Variants in SLC25A46 observed in about 807,000 individuals in gnomAD.
SLC25A46 encodes the protein mitochondrial outer membrane protein SLC25A46.
Under a neutral mutation model 44.6 loss-of-function variants are expected in SLC25A46, and 39 were observed. The observed-to-expected ratio is 0.87, with a 90% CI of 0.68 to 1.14. SLC25A46 has a LOEUF of 1.14. Ranked by LOEUF, SLC25A46 falls within the 50% of genes most tolerant of loss-of-function variation. The pLI is 0.00. For missense variants in SLC25A46, 547 were observed against 522.7 expected (o/e 1.05, Z -0.45); for synonymous variants, 202 against 185.8 (o/e 1.09, Z -0.71).
intron 1 of SLC25A46, chr5:110,741,773 T>G (rs1799695714): frequency 3.5e-6 from 1 of 284,934 alleles, no homozygotes; most frequent in African/African-American, 2.2e-5. Flanking sequence ...TTCAAAACCC[T>G]GGGCCCACAC....
chr5:110,739,527 A>G, intron 1 of SLC25A46, 125 bp downstream of exon 1: 1 of 1,329,092 alleles, frequency 7.5e-7, no homozygotes, highest in Non-Finnish European at 1.0e-6. Context: ...CGCGCGCCAC[A>G]CCCTTTGCCC....
chr5:110,755,418 T>C lies in SLC25A46; in HGVS notation c.564-47T>C, dbSNP rs545790971. 1.1e-5 allele frequency: 14 copies of C among 1,273,418 alleles called. 1 individual carries two copies. The highest frequency in any genetic ancestry group is 3.8e-4 in the Middle Eastern group (2 of 5,302). 78.9% of individuals were successfully genotyped at this position (1,273,418 alleles called of 1,614,324 possible). On this transcript the variant is annotated intron_variant, in intron 5 of 7. Coordinates refer to ENST00000355943, the MANE Select transcript of SLC25A46 (RefSeq NM_138773.4). ...AAAATTGGGCTAATTCCAGATGTTT[T>C]AAATAACATGGCTTTTGTTTTATTT...
At chr5:110,758,177 A>G (rs10070983) in intron 7 of SLC25A46, among the ~76,000 whole-genome samples, 2,396 of 152,078 alleles carry the variant, frequency 0.016, 73 homozygotes, top group African/African-American at 0.056. Context: ...TCTTTTTTCA[A>G]TAATGCCTTT....
chr5:110,748,272 T>A lies in SLC25A46; in HGVS notation c.563+9T>A, dbSNP rs749986092. On this transcript the variant is annotated intron_variant, in intron 5 of 7. Transcript: ENST00000355943. ...TTTACACCTTTGCCAAGGTACCATT[T>A]TTAGCATTTCTTCAGTATTAGTTTC... is the stretch of plus-strand genomic sequence containing the variant. The A allele has an allele frequency of 4.4e-6, 7 of 1,608,952 alleles. No individual in the cohort carries two copies. The South Asian group carries it at 6.6e-5, about 15-fold the overall frequency.
In SLC25A46 at chr5:110,763,404, A is replaced by G. The variant is rs1284369114; in HGVS notation, c.*1622A>G. 6.6e-6 allele frequency: 1 copy of G among 151,842 alleles called. No homozygotes were observed. The highest frequency in any genetic ancestry group is 2.4e-5 in the African/African-American group (1 of 41,422). The allele number at this position is 151,842 out of a possible 1,614,324, so 9.4% of individuals were successfully genotyped here. ...CGTGTGTGTGTGTGTGTAGTTACTG[A>G]AACACCTACATTTTCCATTTTTAAA... is the stretch of plus-strand genomic sequence containing the variant. On this transcript the variant is annotated 3_prime_UTR_variant, in exon 8 of 8. Transcript: ENST00000355943.
chr5:110,740,925 C>A (rs904771747), intron 1 of SLC25A46, among the ~76,000 whole-genome samples: 2 of 152,170 alleles, frequency 1.3e-5, no homozygotes, highest in Non-Finnish European at 2.9e-5. Flanking sequence ...GCACTCCAGC[C>A]TGGGCGACAG....
rs1373018622 is a variant in SLC25A46 at position 110,751,884 on chromosome 5, G to GT, written c.564-3574dup. 3.3e-5 allele frequency among the ~76,000 whole-genome samples: 5 copies of GT among 152,196 alleles called. No homozygotes were observed. The East Asian group carries it at 5.8e-4, about 18-fold the overall frequency. ...GTGTAACTAGTTGTCAAATGAAGCT[G>GT]TTTTTTTGAAGTATAGTGTGAATAT... On this transcript the variant is annotated intron_variant, in intron 5 of 7. Transcript: ENST00000355943.
chr5:110,756,775 C>A lies in SLC25A46; in HGVS notation c.678+16C>A. On this transcript the variant is annotated intron_variant, in intron 7 of 7. Transcript: ENST00000355943. Reference sequence around the variant, plus strand: ...AACAGTGCAGGTGAGCTTTTTTTTACTGTCATTTTTTTTTTATTTAAGAAT... The same window carrying A: ...AACAGTGCAGGTGAGCTTTTTTTTAATGTCATTTTTTTTTTATTTAAGAAT... 6.7e-7 allele frequency: 1 copy of A among 1,496,188 alleles called. No individual in the cohort carries two copies. The highest frequency in any genetic ancestry group is 2.4e-5 in the East Asian group (1 of 41,412). The allele number at this position is 1,496,188 out of a possible 1,614,324, so 92.7% of individuals were successfully genotyped here. A position where few individuals can be genotyped will look rare whatever the true frequency, so the allele number is the denominator to read the frequency against.
chr5:110,764,332 A>G lies in SLC25A46; in HGVS notation c.*2550A>G, dbSNP rs1308104475. The G allele has an allele frequency of 2.0e-5, 3 of 151,958 alleles. No homozygotes were observed. Among genetic ancestry groups the G allele is most frequent in the South Asian group, 4.1e-4 (2 of 4,826 alleles). The allele number at this position is 151,958 out of a possible 1,614,324, so 9.4% of individuals were successfully genotyped here. On this transcript the variant is annotated 3_prime_UTR_variant, in exon 8 of 8. Transcript: ENST00000355943. ...AATACATATATGTAGACCTTCCCGAAATGCCATTCTCAATTTTATTTTATG... is the reference window on the plus strand; with the variant it reads ...AATACATATATGTAGACCTTCCCGAGATGCCATTCTCAATTTTATTTTATG...
chr5:110,746,362 G>T lies in SLC25A46; in HGVS notation c.462+16G>T. 6.5e-7 allele frequency: 1 copy of T among 1,537,164 alleles called. No individual in the cohort carries two copies. The highest frequency in any genetic ancestry group is 1.2e-5 in the South Asian group (1 of 83,920). ...CAAAACTCAGGTGAGAATTTTGTCT[G>T]GATTCTATTAAAGGTTTATATAAGT... On this transcript the variant is annotated intron_variant, in intron 4 of 7. Transcript: ENST00000355943.
upstream of SLC25A46, chr5:110,738,711 C>A: frequency 4.2e-6 from 1 of 240,556 alleles, no homozygotes. Context: ...TATTTCTGGC[C>A]GGGATCTCAC....
upstream of SLC25A46, chr5:110,738,168 C>A: frequency 8.1e-7 from 1 of 1,236,716 alleles, no homozygotes; most frequent in Non-Finnish European, 1.0e-6. Context: ...GTTGAAGGAA[C>A]ATAGGATGAA....
intron 2 of SLC25A46, among the ~76,000 whole-genome samples, chr5:110,743,369 C>T (rs1302955178): frequency 6.6e-6 from 1 of 151,992 alleles, no homozygotes; most frequent in Non-Finnish European, 1.5e-5. Context: ...AGGACATTTT[C>T]TGAAAGAAAT....
At chr5:110,753,893 G>T (rs1034958294) in intron 5 of SLC25A46, 1 of 152,142 alleles carries the variant, frequency 6.6e-6, no homozygotes, top group African/African-American at 2.4e-5. Context: ...GTGAGGCCAT[G>T]AGTATTAGCT....
At position 110,746,313 on chromosome 5, in the gene SLC25A46, C is replaced by T. The variant is rs35220834; in HGVS notation, c.429C>T (p.Val143=). The change falls in exon 4 of 8, where the codon GTC becomes GTT. Residue 143 remains valine, a synonymous_variant. Coordinates refer to ENST00000355943, the MANE Select transcript of SLC25A46 (RefSeq NM_138773.4). ...ATTACCATCTCACTCCATTTACAGT[C>T]ATCAATATTATGTACAGTTTCAACA... The part of the protein sequence containing the change: ...AQHYHLTPFT[V]INIMYSFNKT... The T allele has an allele frequency of 9.8e-3, 15,672 of 1,592,252 alleles. 402 individuals are homozygous for T. Among genetic ancestry groups the T allele is most frequent in the African/African-American group, 0.095 (6,871 of 72,498 alleles).
intron 5 of SLC25A46, among the ~76,000 whole-genome samples, chr5:110,750,089 A>G (rs1201960536): frequency 6.6e-6 from 1 of 152,088 alleles, no homozygotes; most frequent in African/African-American, 2.4e-5. Context: ...CCTTACAGGG[A>G]AGGAAATGAA....
Position 110,761,341 on chromosome 5 carries a change from A to T in SLC25A46, c.816A>T (p.Gly272=), listed in dbSNP as rs780651975. 8.1e-6 allele frequency: 13 copies of T among 1,613,784 alleles called. No homozygotes were observed. The Admixed American group carries it at 2.2e-4, about 27-fold the overall frequency. The change falls in exon 8 of 8, where the codon GGA becomes GGT. Residue 272 remains glycine (G), a synonymous_variant. Transcript: ENST00000355943. This position sits in a 1 kb window ranked among gnomAD's most constrained non-coding sequence, Gnocchi z 5.3. ...TGATCTTCCCTACGGTGCTTCATGG[A>T]GTTCTTCATTACATCATCAGCTCAG... is the stretch of plus-strand genomic sequence containing the variant. The part of the protein sequence containing the change: ...LSLIFPTVLH[G]VLHYIISSVI...
At position 110,764,541 on chromosome 5, in the gene SLC25A46, G is replaced by A. The variant is rs1212735382; in HGVS notation, c.*2759G>A. The A allele has an allele frequency of 1.3e-5, 2 of 151,872 alleles. No homozygotes were observed. Among genetic ancestry groups the A allele is most frequent in the Non-Finnish European group, 2.9e-5 (2 of 67,918 alleles). The allele number at this position is 151,872 out of a possible 1,614,324, so 9.4% of individuals were successfully genotyped here. On this transcript the variant is annotated 3_prime_UTR_variant, in exon 8 of 8. Transcript: ENST00000355943. ...AGGTAAGAACTTGCTTACTATTGCA[G>A]ATATACCTGACCACTCACAACTGTC... is the stretch of plus-strand genomic sequence containing the variant.
chr5:110,754,829 G>C (rs528633749), intron 5 of SLC25A46: 1 of 152,248 alleles, frequency 6.6e-6, no homozygotes, highest in South Asian at 2.1e-4. Flanking sequence ...CTGGTTACTT[G>C]GCTTTGGATG....
Sources: gnomAD v4.1 joint callset for allele counts (sites outside exome capture counted in the v4.1 genomes callset) on GRCh38, gnomAD v4.1.1 for gene constraint, Gnocchi (gnomAD v3.1) non-coding constraint, MANE v1.5 for transcripts, NCBI Gene and HGNC (gene_info 2026-07-23, HGNC 2026-07-21) for gene names.